The following C12orf42 variants were observed in gnomAD, a reference collection of about 807,000 sequenced individuals.
The protein encoded by C12orf42 is uncharacterized protein C12orf42.
A neutral mutation model predicts 21.6 loss-of-function variants in C12orf42; 25 were observed. The ratio of observed to expected loss-of-function variants is 1.16; its 90% CI spans 0.84 to 1.62. The LOEUF is 1.62. Ranked by LOEUF, C12orf42 falls within the 40% of genes most tolerant of loss-of-function variation. The pLI, the probability that C12orf42 is intolerant of heterozygous loss-of-function variation, is 0.00. For synonymous variants in C12orf42, 174 were observed against 175.0 expected, an observed-to-expected ratio of 0.99 and a Z score of 0.05; for missense variants, 483 against 459.3, an observed-to-expected ratio of 1.05 and a Z score of -0.47.
intron 3 of C12orf42, among the ~76,000 whole-genome samples, chr12:103,394,194 CT>C (rs1296875670): frequency 3.3e-5 from 5 of 152,190 alleles, no homozygotes; most frequent in Admixed American, 3.3e-4. Flanking sequence ...TTAATCCCTG[CT>C]AAAGTCAGAG....
chr12:103,244,341 C>T (rs898595040), intron 10 of C12orf42, among the ~76,000 whole-genome samples: 2 of 151,910 alleles, frequency 1.3e-5, no homozygotes, highest in Non-Finnish European at 2.9e-5. Flanking sequence ...ATGGCATCTC[C>T]GAGATCACCT....
chr12:103,526,470 T>C, the C12orf42 span, among the ~76,000 whole-genome samples: 1 of 152,174 alleles, frequency 6.6e-6, no homozygotes, highest in Non-Finnish European at 1.5e-5. Context: ...AGCATATGTG[T>C]CGTTATTTCA....
chr12:103,063,711 C>T, the C12orf42 span, among the ~76,000 whole-genome samples: 1 of 152,164 alleles, frequency 6.6e-6, no homozygotes, highest in African/African-American at 2.4e-5. Context: ...TACAACTAGA[C>T]TAAAGTCCCA....
chr12:103,378,390 C>G (rs1277737774), intron 3 of C12orf42, among the ~76,000 whole-genome samples: 1 of 152,102 alleles, frequency 6.6e-6, no homozygotes, highest in African/African-American at 2.4e-5. Context: ...CCTCCCAATT[C>G]TTTTTACCAG....
At chr12:103,220,454 A>AT in the C12orf42 span, among the ~76,000 whole-genome samples, 1 of 152,216 alleles carries the variant, frequency 6.6e-6, no homozygotes, top group East Asian at 1.9e-4. Flanking sequence ...ATATTTACAG[A>AT]TTTTTTCATG....
chr12:103,142,906 T>C, the C12orf42 span, among the ~76,000 whole-genome samples: 8 of 152,164 alleles, frequency 5.3e-5, no homozygotes, highest in Admixed American at 2.0e-4. Context: ...TCATAAGGCA[T>C]TGAATTTCAA....
At chr12:103,232,377 C>G in the C12orf42 span, among the ~76,000 whole-genome samples, 1 of 152,090 alleles carries the variant, frequency 6.6e-6, no homozygotes, top group African/African-American at 2.4e-5. Flanking sequence ...AAAGTCATCA[C>G]CAAATCCAAA....
At chr12:103,260,340 G>C (rs754761326) in intron 10 of C12orf42, among the ~76,000 whole-genome samples, 1 of 152,160 alleles carries the variant, frequency 6.6e-6, no homozygotes, top group South Asian at 2.1e-4. Context: ...GCTGACACAT[G>C]ATGAAGCTCT....
chr12:103,391,514 G>A (rs2047079757), intron 3 of C12orf42, among the ~76,000 whole-genome samples: 1 of 151,980 alleles, frequency 6.6e-6, no homozygotes, highest in Non-Finnish European at 1.5e-5. Context: ...TTGCTCTAAT[G>A]GTGTTGAACA....
At chr12:103,120,234 G>A in the C12orf42 span, among the ~76,000 whole-genome samples, 1 of 152,160 alleles carries the variant, frequency 6.6e-6, no homozygotes, top group Admixed American at 6.5e-5. Context: ...TGTGTTAAGT[G>A]CAATAATAGA....
At position 103,355,627 on chromosome 12, in the gene C12orf42, C is replaced by T. The variant is rs116093373; in HGVS notation, c.259+13260G>A. On this transcript the variant is annotated intron_variant, in intron 4 of 5. Coordinates refer to ENST00000548883, the MANE Select transcript of C12orf42 (RefSeq NM_198521.5). The stretch of plus-strand genomic sequence containing the variant: ...ACCCAGAGAGGTTAAACAGTTTGTA[C>T]AAGGTCACACAGCCAGTGGTTGAGC... 4.5e-3 allele frequency among the ~76,000 whole-genome samples: 691 copies of T among 152,176 alleles called. 2 individuals are homozygous for T. The highest frequency in any genetic ancestry group is 0.016 in the African/African-American group (648 of 41,548).
the C12orf42 span, among the ~76,000 whole-genome samples, chr12:103,184,873 T>C: frequency 1.2e-4 from 18 of 152,028 alleles, no homozygotes; most frequent in Non-Finnish European, 2.1e-4. Flanking sequence ...GGAGAGATGA[T>C]TAGGATGTAG....
chr12:103,177,481 G>A, the C12orf42 span, among the ~76,000 whole-genome samples: 1 of 152,138 alleles, frequency 6.6e-6, no homozygotes. Flanking sequence ...GGGACCCCAA[G>A]GAACTAAAAC....
intron 3 of C12orf42, among the ~76,000 whole-genome samples, chr12:103,396,249 A>G (rs1339756193): frequency 6.6e-6 from 1 of 151,884 alleles, no homozygotes; most frequent in East Asian, 1.9e-4. Flanking sequence ...GAGTTCTCAC[A>G]AGATCTGATG....
At chr12:103,334,489 G>A (rs982981297) in intron 4 of C12orf42, among the ~76,000 whole-genome samples, 2 of 151,998 alleles carry the variant, frequency 1.3e-5, no homozygotes, top group East Asian at 1.9e-4. Flanking sequence ...AACAAAATAC[G>A]AAAAGGCAGT....
chr12:103,448,976 G>GA (rs1951752913), intron 2 of C12orf42, among the ~76,000 whole-genome samples: 1 of 151,890 alleles, frequency 6.6e-6, no homozygotes, highest in African/African-American at 2.4e-5. Context: ...GTCATTATAT[G>GA]AAAAAGATAC....
intron 2 of C12orf42, among the ~76,000 whole-genome samples, chr12:103,467,506 G>A (rs998166139): frequency 2.0e-5 from 3 of 152,176 alleles, no homozygotes; most frequent in African/African-American, 4.8e-5. Flanking sequence ...CCTTGAGCCT[G>A]CAGATTCCTG....
At chr12:103,483,740 G>C (rs1954631891) in intron 1 of C12orf42, among the ~76,000 whole-genome samples, 1 of 151,824 alleles carries the variant, frequency 6.6e-6, no homozygotes, top group African/African-American at 2.4e-5. Context: ...GTATACATGT[G>C]CCATGTTGGT....
At chr12:103,522,337 G>A in the C12orf42 span, among the ~76,000 whole-genome samples, 4 of 152,134 alleles carry the variant, frequency 2.6e-5, no homozygotes, top group African/African-American at 9.7e-5. Context: ...GTCCATTAAA[G>A]CTCTTTCCTT....
Sources: gnomAD v4.1 joint callset for allele counts (sites outside exome capture counted in the v4.1 genomes callset) on GRCh38, gnomAD v4.1.1 for gene constraint, MANE v1.5 for transcripts, NCBI Gene and HGNC (gene_info 2026-07-23, HGNC 2026-07-21) for gene names.